Variants in HACL1 observed in about 807,000 individuals in gnomAD.
HACL1 encodes the protein 1600020H07Rik.
HACL1 carries 64 observed loss-of-function variants against 74.2 expected under a neutral mutation model. The ratio of observed to expected loss-of-function variants is 0.86; its 90% CI spans 0.70 to 1.06. The LOEUF (loss-of-function observed/expected upper bound fraction) is 1.06, where lower values mean the gene tolerates loss of function less well. Among genes scored for constraint, HACL1 ranks in the 50% least tolerant of loss-of-function variants. The probability of loss-of-function intolerance (pLI) is 0.00; values close to 1 mark genes in which losing one functional copy is unlikely to be tolerated. For synonymous variants in HACL1, 230 were observed against 238.8 expected, an observed-to-expected ratio of 0.96 and a Z score of 0.34; for missense variants, 728 against 719.7, an observed-to-expected ratio of 1.01 and a Z score of -0.13.
Position 15,601,203 on chromosome 3 carries a change from C to G in HACL1, c.82-9G>C. The G allele has an allele frequency of 1.2e-6, 2 of 1,602,402 alleles. No individual in the cohort carries two copies. The highest frequency in any genetic ancestry group is 1.7e-6 in the Non-Finnish European group (2 of 1,169,346). On this transcript the variant is annotated splice_polypyrimidine_tract_variant and intron_variant, in intron 1 of 16. Transcript: ENST00000321169. ...AATATGTACTCCACATCCTGAGGAACGAAGAACAGGGGAGTAAACTCCCAA... is the reference window on the plus strand; with the variant it reads ...AATATGTACTCCACATCCTGAGGAAGGAAGAACAGGGGAGTAAACTCCCAA...
chr3:15,581,388 C>A, intron 8 of HACL1, among the ~76,000 whole-genome samples: 1 of 152,148 alleles, frequency 6.6e-6, no homozygotes. Flanking sequence ...ATATATAATT[C>A]TCTACTGAAT....
At chr3:15,591,488 AG>A (rs201273809) in intron 4 of HACL1, 111 bp downstream of exon 4, 5,637 of 561,406 alleles carry the variant, frequency 0.01, 40 homozygotes, top group Middle Eastern at 0.013. Context: ...TAAGAATTGA[AG>A]GGGTTTTTTT....
At chr3:15,564,965 G>A (rs535428089) in intron 14 of HACL1, among the ~76,000 whole-genome samples, 2 of 152,276 alleles carry the variant, frequency 1.3e-5, no homozygotes, top group African/African-American at 2.4e-5. Flanking sequence ...AGGAGTTCAA[G>A]ACAAGCCTGG....
At chr3:15,591,892 A>T (rs1024248803) in intron 3 of HACL1, among the ~76,000 whole-genome samples, 1 of 150,704 alleles carries the variant, frequency 6.6e-6, no homozygotes, top group Non-Finnish European at 1.5e-5. Context: ...ATACGTATAT[A>T]GTGTATACAC....
chr3:15,581,134 T>C (rs564681392), intron 8 of HACL1, among the ~76,000 whole-genome samples: 1 of 152,334 alleles, frequency 6.6e-6, no homozygotes, highest in South Asian at 2.1e-4. Context: ...ACTCCTGACC[T>C]TAGGTGATCC....
intron 3 of HACL1, 65 bp downstream of exon 3, chr3:15,596,319 T>C (rs2064062616): frequency 2.4e-6 from 2 of 826,952 alleles, no homozygotes; most frequent in African/African-American, 3.4e-5. Context: ...ATCCTTCAGC[T>C]GAAAGACGTA....
intron 16 of HACL1, among the ~76,000 whole-genome samples, chr3:15,563,143 G>A (rs939515733): frequency 4.6e-5 from 7 of 152,178 alleles, no homozygotes; most frequent in African/African-American, 9.7e-5. Context: ...CCATGAAGTC[G>A]TGAGGACCGA....
chr3:15,596,458 TG>T, intron 2 of HACL1, 34 bp from the exon 3 acceptor site: 2 of 1,406,810 alleles, frequency 1.4e-6, no homozygotes, highest in Non-Finnish European at 2.0e-6. Flanking sequence ...TTGAGCATAT[TG>T]GGATCCTTAT....
intron 2 of HACL1, among the ~76,000 whole-genome samples, chr3:15,599,802 C>T (rs1223400889): frequency 6.6e-6 from 1 of 152,194 alleles, no homozygotes; most frequent in Non-Finnish European, 1.5e-5. Context: ...TCTTTACATC[C>T]CTCTCTCCTA....
intron 3 of HACL1, among the ~76,000 whole-genome samples, chr3:15,593,779 T>C (rs1170947419): frequency 1.4e-5 from 2 of 147,170 alleles, no homozygotes; most frequent in East Asian, 2.3e-4. Context: ...CAAAATGTTT[T>C]GTGTTTTTTT....
chr3:15,591,573 T>C lies in HACL1; in HGVS notation c.308+27A>G. On this transcript the variant is annotated intron_variant, in intron 4 of 16. Transcript: ENST00000321169. ...TCCTGCAGTGACCTTTTTAAGAAAA[T>C]GTTTTCAGTAATAATAATGTCATTA... 2.2e-6 allele frequency: 3 copies of C among 1,379,860 alleles called. No homozygotes were observed. The South Asian group carries it at 3.5e-5, about 16-fold the overall frequency. The allele number at this position is 1,379,860 out of a possible 1,614,324, so 85.5% of individuals were successfully genotyped here.
intron 9 of HACL1, among the ~76,000 whole-genome samples, chr3:15,578,950 G>A (rs974184628): frequency 1.3e-5 from 2 of 152,180 alleles, no homozygotes; most frequent in Non-Finnish European, 2.9e-5. Context: ...CTAATTCTGG[G>A]TATGAACCAG....
At chr3:15,570,177 A>T (rs1011099167) in intron 12 of HACL1, among the ~76,000 whole-genome samples, 1 of 151,670 alleles carries the variant, frequency 6.6e-6, no homozygotes, top group Non-Finnish European at 1.5e-5. Context: ...TCTACCAAAA[A>T]TACAAAAATT....
chr3:15,573,894 T>C (rs2063577893), intron 10 of HACL1, among the ~76,000 whole-genome samples: 1 of 152,222 alleles, frequency 6.6e-6, no homozygotes, highest in Non-Finnish European at 1.5e-5. Flanking sequence ...AAAGGGGATG[T>C]ATCTCATTCT....
intron 1 of HACL1, 89 bp downstream of exon 1, chr3:15,601,294 C>T: frequency 6.3e-7 from 1 of 1,582,260 alleles, no homozygotes; most frequent in East Asian, 2.2e-5. Flanking sequence ...CCCCGACCCC[C>T]ATCGCCCATT....
rs2064231405 is a variant in HACL1, at chr3:15,601,371, G to A, written c.81+12C>T. ...CCGTAGGAGCCTTTCATTCCAGGAA[G>A]GTCCATCGTACTTGCGTTTTCAGGG... is the stretch of plus-strand genomic sequence containing the variant. On this transcript the variant is annotated intron_variant, in intron 1 of 16. Transcript: ENST00000321169. 3.7e-6 allele frequency: 6 copies of A among 1,614,034 alleles called. No individual in the cohort carries two copies. In the East Asian group the frequency reaches 8.9e-5, roughly 24 times the overall value.
chr3:15,564,699 TTAAAG>T (rs757412593), intron 14 of HACL1, 41 bp from the exon 15 acceptor site: 1 of 799,332 alleles, frequency 1.3e-6, no homozygotes, highest in Non-Finnish European at 2.0e-6. Flanking sequence ...ATTCTTCATT[TTAAAG>T]TAATTTCTTT....
chr3:15,577,971 G>A (rs542465941), intron 9 of HACL1, among the ~76,000 whole-genome samples: 3 of 151,790 alleles, frequency 2.0e-5, no homozygotes, highest in South Asian at 4.2e-4. Context: ...GGTGGCAGGC[G>A]CCTGTAGTCC....
At chr3:15,564,481 T>C (rs2063397806) in intron 15 of HACL1, 70 bp downstream of exon 15, 4 of 736,140 alleles carry the variant, frequency 5.4e-6, no homozygotes, top group Admixed American at 4.4e-5. Context: ...ACTGCCAATA[T>C]AGAAGACTTT....
Sources: gnomAD v4.1 joint callset for allele counts (sites outside exome capture counted in the v4.1 genomes callset) on GRCh38, gnomAD v4.1.1 for gene constraint, MANE v1.5 for transcripts, NCBI Gene and HGNC (gene_info 2026-07-23, HGNC 2026-07-21) for gene names.